The following TG variants were observed in gnomAD, a reference collection of about 807,000 sequenced individuals.
TG encodes thyroid hormones.
A neutral mutation model predicts 324.7 loss-of-function variants in TG; 270 were observed. That is an observed-to-expected ratio of 0.83 (90% CI 0.75 to 0.92). The LOEUF is 0.92. TG is among the 40% of genes least tolerant of loss of function. TG has a pLI of 0.00. For synonymous variants in TG, 1,401 were observed against 1,327.0 expected, an observed-to-expected ratio of 1.06 and a Z score of -1.21; for missense variants, 3,591 against 3,456.4, an observed-to-expected ratio of 1.04 and a Z score of -0.98.
In TG at chr8:132,868,268, T is replaced by G. The variant is rs762258359; in HGVS notation, c.176+45T>G. On this transcript the variant is annotated intron_variant, in intron 2 of 47. Transcript: ENST00000220616. ...CGAACTCTCAAGGTCCAAGATGCCA[T>G]AAAAAGCATCTTGTGCCTTCCCCCC... is the stretch of plus-strand genomic sequence containing the variant. 3.1e-5 allele frequency: 49 copies of G among 1,568,876 alleles called. No individual in the cohort carries two copies. The South Asian group carries it at 5.2e-4, about 17-fold the overall frequency.
At chr8:133,072,446 A>G (rs1268304843) in intron 41 of TG, among the ~76,000 whole-genome samples, 2 of 152,152 alleles carry the variant, frequency 1.3e-5, no homozygotes, top group Admixed American at 1.3e-4. Context: ...AGATGGATAG[A>G]TGGATAGATA....
intron 41 of TG, among the ~76,000 whole-genome samples, chr8:133,082,893 C>T (rs770050901): frequency 4.6e-5 from 7 of 152,134 alleles, no homozygotes; most frequent in Non-Finnish European, 1.0e-4. Context: ...AAAGCAAACT[C>T]GAAACTAGCC....
intron 41 of TG, among the ~76,000 whole-genome samples, chr8:133,077,031 G>A (rs1408308787): frequency 6.6e-6 from 1 of 152,152 alleles, no homozygotes; most frequent in East Asian, 1.9e-4. Context: ...TGATGGGACC[G>A]AGGGGCGCAG....
chr8:132,995,320 T>C, intron 35 of TG: 3 of 985,004 alleles, frequency 3.0e-6, no homozygotes, highest in Non-Finnish European at 3.6e-6. Flanking sequence ...GCTTGATAAA[T>C]GGAATGAGCA....
chr8:132,887,284 T>C lies in TG; in HGVS notation c.1912T>C (p.Cys638Arg). The C allele has an allele frequency of 1.2e-6, 2 of 1,603,928 alleles. No homozygotes were observed. The highest frequency in any genetic ancestry group is 2.2e-5 in the South Asian group (2 of 89,628). The change falls in exon 9 of 48, where the codon TGT (cysteine) becomes CGT (arginine). Residue 638 changes from cysteine (C) to arginine (R), a missense_variant. Transcript: ENST00000220616. Reference protein sequence around the residue: ...DVQCFSGECWCVNSWGKELPG... With the variant: ...DVQCFSGECWRVNSWGKELPG... The stretch of plus-strand genomic sequence containing the variant: ...CCAATGCTTTTCCGGAGAGTGCTGG[T>C]GTGTGAATTCCTGGGGCAAAGAGCT...
At chr8:133,030,858 C>T (rs1836573524) in intron 41 of TG, among the ~76,000 whole-genome samples, 1 of 152,212 alleles carries the variant, frequency 6.6e-6, no homozygotes, top group African/African-American at 2.4e-5. Flanking sequence ...ACAGGGAAAG[C>T]TTGGAGGACA....
Position 132,923,443 on chromosome 8 carries a change from A to C in TG, c.4634A>C (p.Asp1545Ala), listed in dbSNP as rs1349796033. 1 of 1,613,928 alleles carries C rather than the reference A, an allele frequency of 6.2e-7. No individual in the cohort carries two copies. The highest frequency in any genetic ancestry group is 1.3e-5 in the African/African-American group (1 of 74,878). ...DRGSGKAFCV[D>A]GEGRRLPWWE... ...GGCAGTGGGAAGGCCTTCTGTGTGG[A>C]CGGCGAGGGGCGGAGGCTGCCATGG... The change falls in exon 22 of 48, where the codon GAC becomes GCC. Residue 1545 changes from aspartate (D) to alanine (A), a missense_variant. By Grantham distance (126) the Asp-to-Ala change is moderately radical (BLOSUM62 -2). Transcript: ENST00000220616.
intron 41 of TG, among the ~76,000 whole-genome samples, chr8:133,093,719 C>T (rs1847949471): frequency 6.6e-6 from 1 of 152,168 alleles, no homozygotes; most frequent in African/African-American, 2.4e-5. Context: ...AAACAGAGAT[C>T]ATCGTAACAA....
chr8:133,088,089 C>G (rs767648642), intron 41 of TG, among the ~76,000 whole-genome samples: 1 of 152,166 alleles, frequency 6.6e-6, no homozygotes, highest in Non-Finnish European at 1.5e-5. Context: ...CCAATAGAGG[C>G]GAGAGCTCTG....
intron 27 of TG, among the ~76,000 whole-genome samples, chr8:132,953,710 G>A (rs1023506561): frequency 6.6e-6 from 1 of 152,174 alleles, no homozygotes; most frequent in South Asian, 2.1e-4. Flanking sequence ...TCAGCAATGA[G>A]TGATGGCTGA....
chr8:132,936,378 T>C (rs1390513868), intron 25 of TG, among the ~76,000 whole-genome samples: 1 of 152,142 alleles, frequency 6.6e-6, no homozygotes, highest in African/African-American at 2.4e-5. Context: ...TCCCAGGACG[T>C]TTTCCTCCCA....
Position 133,132,014 on chromosome 8 carries a change from G to A in TG, c.7997+68G>A, listed in dbSNP as rs180874573. On this transcript the variant is annotated intron_variant, in intron 46 of 47. Transcript: ENST00000220616. ...TCCTCCCGCTTCCTTCAAGCAGAACGCAAAGGCCCAATTTGCATCGATAGA... is the reference window on the plus strand; with the variant it reads ...TCCTCCCGCTTCCTTCAAGCAGAACACAAAGGCCCAATTTGCATCGATAGA... 71 of 1,604,134 alleles carry A rather than the reference G, an allele frequency of 4.4e-5. No homozygotes were observed. The African/African-American group carries it at 5.6e-4, about 13-fold the overall frequency.
rs1352809072 is a variant in TG at position 133,013,519 on chromosome 8, T to C, written c.6398-81T>C. 2.6e-6 allele frequency: 4 copies of C among 1,557,262 alleles called. No homozygotes were observed. In the African/African-American group the frequency reaches 4.1e-5, roughly 16 times the overall value. On this transcript the variant is annotated intron_variant, in intron 36 of 47. Coordinates refer to ENST00000220616, the MANE Select transcript of TG (RefSeq NM_003235.5). ...GATGGAAGGGTGGATGAGTGGATGG[T>C]TGGATGGATGACTGGAAGAATGCAT...
chr8:132,869,499 G>T (rs1030970649), intron 2 of TG, among the ~76,000 whole-genome samples: 30 of 152,212 alleles, frequency 2.0e-4, no homozygotes, highest in Admixed American at 8.5e-4. Context: ...GGCTGGACAG[G>T]TGGTGAATGA....
chr8:132,995,361 C>G (rs967575836), intron 35 of TG: 2 of 985,068 alleles, frequency 2.0e-6, no homozygotes, highest in African/African-American at 3.5e-5. Flanking sequence ...AGAGATCAGA[C>G]ACAGGTCTCT....
intron 43 of TG, among the ~76,000 whole-genome samples, chr8:133,106,969 A>G (rs757910787): frequency 3.9e-5 from 6 of 152,214 alleles, no homozygotes; most frequent in Non-Finnish European, 5.9e-5. Context: ...CGTGTCTCTC[A>G]GACACCACTC....
chr8:133,030,524 C>T (rs1160938640), intron 41 of TG, among the ~76,000 whole-genome samples: 1 of 152,210 alleles, frequency 6.6e-6, no homozygotes, highest in African/African-American at 2.4e-5. Flanking sequence ...CCACTGCATA[C>T]GCCCTGGTAT....
intron 3 of TG, among the ~76,000 whole-genome samples, chr8:132,870,409 T>G (rs751960189): frequency 6.8e-6 from 1 of 148,050 alleles, no homozygotes; most frequent in Non-Finnish European, 1.5e-5. Context: ...GGCCCCATAC[T>G]CTCCTGCTGT....
At chr8:133,017,220 C>A (rs1157718062) in intron 37 of TG, among the ~76,000 whole-genome samples, 1 of 152,194 alleles carries the variant, frequency 6.6e-6, no homozygotes, top group African/African-American at 2.4e-5. Context: ...GGCCTGCAAC[C>A]CCTGCACTGC....
Sources: allele counts gnomAD v4.1 joint callset (sites outside exome capture counted in the v4.1 genomes callset), GRCh38; gene constraint gnomAD v4.1.1; transcripts MANE v1.5; gene names NCBI Gene and HGNC (gene_info 2026-07-23, HGNC 2026-07-21).